Variants in PHACTR4 observed in about 807,000 individuals in gnomAD.
PHACTR4 encodes phosphatase and actin regulator 4.
A neutral mutation model predicts 72.7 loss-of-function variants in PHACTR4; 51 were observed. That is an observed-to-expected ratio of 0.70 (90% CI 0.56 to 0.89). The LOEUF (loss-of-function observed/expected upper bound fraction) is 0.89, where lower values mean the gene tolerates loss of function less well. PHACTR4 is among the 40% of genes least tolerant of loss of function. The probability of loss-of-function intolerance (pLI) is 0.00; values close to 1 mark genes in which losing one functional copy is unlikely to be tolerated. For synonymous variants in PHACTR4, 255 were observed against 302.5 expected (o/e 0.84, Z 1.63); for missense variants, 731 against 861.8 (o/e 0.85, Z 1.90).
Position 28,496,515 on chromosome 1 carries a change from C to CT in PHACTR4, c.2094-13dup. Reference sequence around the variant, plus strand: ...ATGTACATCATGTGGTAACTTGTCTCTTTTTTAATCTCTTTTAGCTACCAT... The same window carrying CT: ...ATGTACATCATGTGGTAACTTGTCTCTTTTTTTAATCTCTTTTAGCTACCAT... On this transcript the variant is annotated intron_variant, in intron 13 of 13. Coordinates refer to ENST00000373839, the MANE Select transcript of PHACTR4 (RefSeq NM_001048183.3). 1 of 1,613,474 alleles carries CT rather than the reference C, an allele frequency of 6.2e-7. No individual in the cohort carries two copies. The highest frequency in any genetic ancestry group is 1.1e-5 in the South Asian group (1 of 91,068).
chr1:28,413,589 CT>C (rs1244829007), intron 2 of PHACTR4, among the ~76,000 whole-genome samples: 2 of 152,092 alleles, frequency 1.3e-5, no homozygotes, highest in Non-Finnish European at 2.9e-5. Context: ...ACTTTATCTT[CT>C]ACTTTTATTA....
chr1:28,471,331 G>A (rs1225925026), intron 6 of PHACTR4, among the ~76,000 whole-genome samples: 1 of 124,252 alleles, frequency 8.0e-6, no homozygotes, highest in Admixed American at 7.3e-5. Flanking sequence ...CCTGGGCAAC[G>A]AGTGAAACTC....
intron 2 of PHACTR4, among the ~76,000 whole-genome samples, chr1:28,457,670 T>G (rs1658490744): frequency 6.6e-6 from 1 of 152,014 alleles, no homozygotes; most frequent in African/African-American, 2.4e-5. Context: ...TATGACCTTT[T>G]TACCCTCCTC....
intron 8 of PHACTR4, among the ~76,000 whole-genome samples, chr1:28,477,473 T>A: frequency 6.6e-6 from 1 of 151,990 alleles, no homozygotes; most frequent in East Asian, 1.9e-4. Flanking sequence ...GTGCCTAGCC[T>A]ATTTTTAATT....
At chr1:28,452,857 G>C (rs879255894) in intron 2 of PHACTR4, among the ~76,000 whole-genome samples, 2 of 151,904 alleles carry the variant, frequency 1.3e-5, no homozygotes, top group African/African-American at 2.4e-5. Flanking sequence ...AGTGGCTCAC[G>C]CCTGTAATCC....
chr1:28,491,082 T>C, intron 11 of PHACTR4, 70 bp downstream of exon 11: 1 of 1,483,692 alleles, frequency 6.7e-7, no homozygotes, highest in Non-Finnish European at 9.4e-7. Flanking sequence ...TGGAAATGAA[T>C]TCACAGCTGG....
intron 6 of PHACTR4, 32 bp from the exon 7 acceptor site, chr1:28,473,522 G>A (rs773515170): frequency 8.6e-6 from 13 of 1,510,972 alleles, no homozygotes; most frequent in South Asian, 1.2e-5. Flanking sequence ...TTGGAAAGTC[G>A]TGAAATTGAT....
intron 6 of PHACTR4, among the ~76,000 whole-genome samples, chr1:28,468,949 T>C (rs1659389345): frequency 6.6e-6 from 1 of 152,188 alleles, no homozygotes; most frequent in South Asian, 2.1e-4. Context: ...TGGACTAAAC[T>C]GCAGAGCTCA....
chr1:28,442,396 G>A (rs1345271062), intron 2 of PHACTR4, among the ~76,000 whole-genome samples: 7 of 151,390 alleles, frequency 4.6e-5, no homozygotes, highest in East Asian at 2.0e-4. Context: ...ACAAGGAGGC[G>A]GAGGATGCAG....
At chr1:28,487,548 G>A (rs1660747950) in intron 9 of PHACTR4, among the ~76,000 whole-genome samples, 1 of 143,630 alleles carries the variant, frequency 7.0e-6, no homozygotes, top group Admixed American at 7.0e-5. Context: ...GGAAGGTCTT[G>A]TTCAGAAAGA....
Position 28,500,236 on chromosome 1 carries a change from G to A in PHACTR4, c.*3687G>A, listed in dbSNP as rs926101971. 6.6e-6 allele frequency: 1 copy of A among 152,082 alleles called. No individual in the cohort carries two copies. Among genetic ancestry groups the A allele is most frequent in the Non-Finnish European group, 1.5e-5 (1 of 68,030 alleles). 9.4% of individuals were successfully genotyped at this position (152,082 alleles called of 1,614,324 possible). ...ATCATAATGTAAAGAAGAAATGAAA[G>A]CCTGGTGTATTGTACTTCAAGATGC... On this transcript the variant is annotated 3_prime_UTR_variant, in exon 14 of 14. Coordinates refer to ENST00000373839, the MANE Select transcript of PHACTR4 (RefSeq NM_001048183.3).
At chr1:28,382,950 G>A (rs1652299300) in intron 1 of PHACTR4, among the ~76,000 whole-genome samples, 1 of 152,040 alleles carries the variant, frequency 6.6e-6, no homozygotes, top group Non-Finnish European at 1.5e-5. Context: ...CCGCCACCAT[G>A]TCTGGCTAAT....
At position 28,496,884 on chromosome 1, in the gene PHACTR4, T is replaced by G. The variant is rs1661392739; in HGVS notation, c.*335T>G. The G allele has an allele frequency of 2.4e-6, 1 of 414,688 alleles. No homozygotes were observed. Among genetic ancestry groups the G allele is most frequent in the Admixed American group, 3.8e-5 (1 of 26,314 alleles). 25.7% of individuals were successfully genotyped at this position (414,688 alleles called of 1,614,324 possible). Reference sequence around the variant, plus strand: ...ACCCCTTCCCCTAGATGACTGCCTGTGCAGAGACACAGTTTGCACCATTAG... The same window carrying G: ...ACCCCTTCCCCTAGATGACTGCCTGGGCAGAGACACAGTTTGCACCATTAG... On this transcript the variant is annotated 3_prime_UTR_variant, in exon 14 of 14. Transcript: ENST00000373839.
intron 1 of PHACTR4, among the ~76,000 whole-genome samples, chr1:28,375,276 G>T (rs1651556976): frequency 6.6e-6 from 1 of 151,904 alleles, no homozygotes; most frequent in Admixed American, 6.6e-5. Context: ...TTCAGCCGGG[G>T]TGACAGAGCA....
At chr1:28,369,985 G>T (rs935501815) in intron 1 of PHACTR4, among the ~76,000 whole-genome samples, 160 bp downstream of exon 1, 2 of 152,108 alleles carry the variant, frequency 1.3e-5, no homozygotes, top group Non-Finnish European at 2.9e-5. Context: ...GGCGGGGCGG[G>T]GCCGCCGCCT....
chr1:28,435,888 A>G (rs1479293384), intron 2 of PHACTR4, among the ~76,000 whole-genome samples: 1 of 152,230 alleles, frequency 6.6e-6, no homozygotes, highest in Non-Finnish European at 1.5e-5. Flanking sequence ...ATAAGTACCT[A>G]GGTTCCAAAG....
At chr1:28,409,389 C>A (rs1220072116) in intron 2 of PHACTR4, among the ~76,000 whole-genome samples, 12 of 152,108 alleles carry the variant, frequency 7.9e-5, no homozygotes, top group Non-Finnish European at 1.5e-5. Flanking sequence ...CTATTTTTAA[C>A]TGATGCTCAT....
chr1:28,462,790 T>C (rs561149150), intron 4 of PHACTR4, among the ~76,000 whole-genome samples: 1 of 152,332 alleles, frequency 6.6e-6, no homozygotes, highest in East Asian at 1.9e-4. Flanking sequence ...ACCAGATAAA[T>C]GACCTAAGCT....
chr1:28,375,250 G>A (rs1445819595), intron 1 of PHACTR4, among the ~76,000 whole-genome samples: 1 of 152,060 alleles, frequency 6.6e-6, no homozygotes, highest in East Asian at 1.9e-4. Flanking sequence ...AGTGAGCAGA[G>A]ATTGTGCCAC....
Sources: gnomAD v4.1 joint callset for allele counts (sites outside exome capture counted in the v4.1 genomes callset) on GRCh38, gnomAD v4.1.1 for gene constraint, MANE v1.5 for transcripts, NCBI Gene and HGNC (gene_info 2026-07-23, HGNC 2026-07-21) for gene names.